NEBL: variants seen among roughly 807,000 people sequenced by gnomAD.
NEBL encodes LIM and SH3 protein 2.
NEBL carries 122 observed loss-of-function variants against 140.2 expected under a neutral mutation model. That is an observed-to-expected ratio of 0.87 (90% CI 0.75 to 1.01). NEBL has a LOEUF of 1.01. Among genes scored for constraint, NEBL ranks in the 50% least tolerant of loss-of-function variants. The pLI is 0.00. For synonymous variants in NEBL, 436 were observed against 398.9 expected (o/e 1.09, Z -1.11); for missense variants, 1,365 against 1,231.3 (o/e 1.11, Z -1.62).
chr10:21,179,774 G>A (rs74821956), upstream of NEBL, among the ~76,000 whole-genome samples: 879 of 151,968 alleles, frequency 5.8e-3, 42 homozygotes, highest in East Asian at 0.12. Flanking sequence ...ATGCTACACT[G>A]CTGGCCTTGA....
intron 2 of NEBL, among the ~76,000 whole-genome samples, chr10:21,086,931 A>G (rs7095974): frequency 0.013 from 1,984 of 152,238 alleles, 57 homozygotes; most frequent in African/African-American, 0.045. Context: ...ATCTCCCTGC[A>G]CCCCAACACC....
intron 4 of NEBL, among the ~76,000 whole-genome samples, chr10:20,947,681 T>TCACA (rs5783757): frequency 0.044 from 6,339 of 144,216 alleles, 309 homozygotes; most frequent in African/African-American, 0.13. Context: ...TACTGAGAAA[T>TCACA]CACACACACA....
intron 2 of NEBL, among the ~76,000 whole-genome samples, chr10:21,129,289 T>C (rs1838987907): frequency 6.6e-6 from 1 of 151,856 alleles, no homozygotes; most frequent in East Asian, 1.9e-4. Flanking sequence ...TATTTTATTT[T>C]ATTTTTTAAT....
intron 4 of NEBL, among the ~76,000 whole-genome samples, chr10:20,927,008 T>G (rs1192405164): frequency 3.3e-5 from 5 of 152,144 alleles, no homozygotes; most frequent in African/African-American, 1.2e-4. Context: ...GGAGAAGGTC[T>G]GCACTAGGCA....
chr10:20,869,169 T>C (rs561050538), intron 6 of NEBL, among the ~76,000 whole-genome samples: 3 of 152,340 alleles, frequency 2.0e-5, no homozygotes, highest in Admixed American at 6.5e-5. Flanking sequence ...ACAGTAATGA[T>C]TGATTTTAGG....
intron 2 of NEBL, among the ~76,000 whole-genome samples, chr10:21,077,387 A>G (rs1393321439): frequency 6.6e-6 from 1 of 152,074 alleles, no homozygotes; most frequent in East Asian, 1.9e-4. Context: ...GGTGGGTCAC[A>G]AGGTCAGGAG....
intron 2 of NEBL, among the ~76,000 whole-genome samples, chr10:21,147,914 A>G (rs1839971370): frequency 6.6e-6 from 1 of 152,196 alleles, no homozygotes; most frequent in Admixed American, 6.5e-5. Context: ...TCAATCACAG[A>G]TATTTATCAC....
intron 2 of NEBL, among the ~76,000 whole-genome samples, chr10:21,027,780 A>G (rs753816181): frequency 4.6e-5 from 7 of 152,144 alleles, no homozygotes; most frequent in Non-Finnish European, 1.0e-4. Flanking sequence ...AAGTCATTTT[A>G]CCCAATGACC....
chr10:20,922,424 G>C (rs1833637585), intron 4 of NEBL, among the ~76,000 whole-genome samples: 1 of 152,178 alleles, frequency 6.6e-6, no homozygotes, highest in Non-Finnish European at 1.5e-5. Context: ...AATTCATAGA[G>C]TGTCACTTTA....
At chr10:21,269,814 C>A (rs1196747399) in intron 1 of NEBL, among the ~76,000 whole-genome samples, 1 of 152,154 alleles carries the variant, frequency 6.6e-6, no homozygotes, top group African/African-American at 2.4e-5. Context: ...GTCTTCCCTA[C>A]CAGACTGGGT....
intron 4 of NEBL, among the ~76,000 whole-genome samples, chr10:20,883,831 G>A (rs1015936619): frequency 1.4e-4 from 22 of 152,230 alleles, no homozygotes; most frequent in African/African-American, 4.6e-4. Flanking sequence ...CATTAACATC[G>A]TCATTTCATT....
At chr10:21,273,741 G>A (rs1442741110) in intron 1 of NEBL, among the ~76,000 whole-genome samples, 17 of 152,210 alleles carry the variant, frequency 1.1e-4, no homozygotes, top group Admixed American at 1.1e-3. Context: ...GTTGCTAAGT[G>A]CTCTGCCCAG....
At chr10:21,255,966 A>T (rs1842654520) in intron 1 of NEBL, among the ~76,000 whole-genome samples, 1 of 149,760 alleles carries the variant, frequency 6.7e-6, no homozygotes, top group Non-Finnish European at 1.5e-5. Flanking sequence ...TGGGCGACAG[A>T]GCGAGACTCT....
At chr10:20,912,852 T>C (rs1212304261) in intron 4 of NEBL, among the ~76,000 whole-genome samples, 3 of 151,784 alleles carry the variant, frequency 2.0e-5, no homozygotes, top group Non-Finnish European at 4.4e-5. Context: ...GCTGAACTTG[T>C]TCCTCATGGG....
intron 4 of NEBL, among the ~76,000 whole-genome samples, chr10:20,919,829 C>A (rs1039578340): frequency 6.6e-6 from 1 of 152,006 alleles, no homozygotes; most frequent in South Asian, 2.1e-4. Context: ...AGTTTGACTA[C>A]ATGAAAATAA....
intron 2 of NEBL, among the ~76,000 whole-genome samples, chr10:21,042,302 G>A (rs1834308932): frequency 1.3e-5 from 2 of 152,138 alleles, no homozygotes; most frequent in Non-Finnish European, 2.9e-5. Flanking sequence ...GTGAGTGTTG[G>A]ATCCAAAAAT....
intron 21 of NEBL, among the ~76,000 whole-genome samples, chr10:20,816,923 G>A (rs1043682561): frequency 6.6e-6 from 1 of 152,148 alleles, no homozygotes; most frequent in African/African-American, 2.4e-5. Flanking sequence ...AGTGGAAAGT[G>A]GGGCTCGGAG....
At chr10:21,290,883 G>C (rs923392306) in intron 1 of NEBL, among the ~76,000 whole-genome samples, 2 of 152,066 alleles carry the variant, frequency 1.3e-5, no homozygotes, top group African/African-American at 4.8e-5. Context: ...AGTTTTGCAC[G>C]GCTCCCATGC....
intron 4 of NEBL, among the ~76,000 whole-genome samples, chr10:20,950,813 A>G (rs2131592797): frequency 6.6e-6 from 1 of 152,372 alleles, no homozygotes; most frequent in South Asian, 2.1e-4. Context: ...GATTCTATCA[A>G]AAATGACAGT....
Sources: allele counts gnomAD v4.1 joint callset (sites outside exome capture counted in the v4.1 genomes callset), GRCh38; gene constraint gnomAD v4.1.1; transcripts MANE v1.5; gene names NCBI Gene and HGNC (gene_info 2026-07-23, HGNC 2026-07-21).